Variants in AHCY observed in about 807,000 individuals in gnomAD.
AHCY encodes S-adenosyl-L-homocysteine hydrolase.
In AHCY, 24 loss-of-function variants were observed where a neutral mutation model predicts 45.4. The observed-to-expected ratio is 0.53, with a 90% CI of 0.38 to 0.74. The LOEUF (loss-of-function observed/expected upper bound fraction) is 0.74. Among genes scored for constraint, AHCY ranks in the 30% least tolerant of loss-of-function variants. AHCY has a pLI of 0.00. For missense variants in AHCY, 449 were observed against 594.1 expected, an observed-to-expected ratio of 0.76 and a Z score of 2.54; for synonymous variants, 245 against 235.1, an observed-to-expected ratio of 1.04 and a Z score of -0.39.
intron 1 of AHCY, among the ~76,000 whole-genome samples, chr20:34,298,301 AATC>A (rs1377158416): frequency 1.3e-5 from 2 of 152,200 alleles, no homozygotes; most frequent in Admixed American, 6.5e-5. Context: ...GAATATCATT[AATC>A]ATTAGTTTGT....
chr20:34,269,491 G>A, the AHCY span: 2 of 385,412 alleles, frequency 5.2e-6, no homozygotes, highest in South Asian at 5.0e-5. Context: ...CCGACCTGGG[G>A]GTTAGGAACG....
intron 1 of AHCY, among the ~76,000 whole-genome samples, chr20:34,298,939 T>A (rs913852403): frequency 2.0e-5 from 3 of 152,280 alleles, no homozygotes; most frequent in East Asian, 1.9e-4. Context: ...CCCTGTCCAG[T>A]GGACACGTGA....
the AHCY span, among the ~76,000 whole-genome samples, chr20:34,237,981 C>G: frequency 6.6e-6 from 1 of 152,074 alleles, no homozygotes; most frequent in South Asian, 2.1e-4. Flanking sequence ...CAGCCTCTGG[C>G]CTCCAAAGTT....
At chr20:34,296,167 G>A (rs2036573109) in intron 1 of AHCY, among the ~76,000 whole-genome samples, 1 of 152,100 alleles carries the variant, frequency 6.6e-6, no homozygotes, top group African/African-American at 2.4e-5. Flanking sequence ...GAGGTGGGGT[G>A]AGCTTGTCTG....
chr20:34,279,375 A>T (rs1158440237), downstream of AHCY, among the ~76,000 whole-genome samples: 3 of 150,686 alleles, frequency 2.0e-5, no homozygotes, highest in African/African-American at 7.3e-5. Flanking sequence ...GAGCTGAGAT[A>T]GCACCACTGC....
intron 1 of AHCY, chr20:34,302,441 C>G (rs2036808392): frequency 4.1e-6 from 1 of 242,170 alleles, no homozygotes; most frequent in Non-Finnish European, 6.6e-6. Flanking sequence ...GCCTGCGTTC[C>G]AATCTTGCTC....
chr20:34,269,284 G>A, the AHCY span: 9 of 1,283,198 alleles, frequency 7.0e-6, no homozygotes, highest in South Asian at 1.4e-4. Flanking sequence ...GGTTCCAGGA[G>A]ATGGGACTTC....
rs534226221 is a variant in AHCY, at chr20:34,309,334, G to A, written c.-57+2138C>T. Among the ~76,000 whole-genome samples, 12 of 152,134 alleles carry A rather than the reference G, an allele frequency of 7.9e-5. No individual in the cohort carries two copies. In the East Asian group the frequency reaches 1.5e-3, roughly 20 times the overall value. On this transcript the variant is annotated intron_variant, in intron 1 of 9. Coordinates refer to the AHCY transcript ENST00000538132. ...TCTGTTTTCCATACATACACACTTC[G>A]GAGTGCTATGTTTTCTTAGTGGATT...
the AHCY span, among the ~76,000 whole-genome samples, chr20:34,239,396 T>C: frequency 6.6e-6 from 1 of 152,186 alleles, no homozygotes; most frequent in Admixed American, 6.5e-5. Context: ...TTTGTATTTT[T>C]AGTAGAGACG....
the AHCY span, among the ~76,000 whole-genome samples, chr20:34,258,550 T>C: frequency 3.4e-5 from 5 of 147,038 alleles, no homozygotes; most frequent in East Asian, 8.1e-4. Flanking sequence ...ACAAGCATCA[T>C]ATGGGGACCA....
the AHCY span, among the ~76,000 whole-genome samples, chr20:34,249,121 C>G: frequency 6.6e-6 from 1 of 151,584 alleles, no homozygotes; most frequent in Admixed American, 6.6e-5. Flanking sequence ...AGAGTGAGAC[C>G]CTGTCTCGAA....
intron 8 of AHCY, among the ~76,000 whole-genome samples, chr20:34,289,472 CTTTTT>C (rs762670836): frequency 9.4e-6 from 1 of 106,368 alleles, no homozygotes; most frequent in Non-Finnish European, 1.9e-5. Flanking sequence ...TGTACCTGGC[CTTTTT>C]TTTTTTTTTT....
chr20:34,290,112 A>C lies in AHCY; in HGVS notation c.972+220T>G, dbSNP rs762936701. Reference sequence around the variant, plus strand: ...CAGTAGCTAGAGTGATCTTTCTAAAACTACAGCCTCACCACATACAGCTCA... The same window carrying C: ...CAGTAGCTAGAGTGATCTTTCTAAACCTACAGCCTCACCACATACAGCTCA... On this transcript the variant is annotated intron_variant, in intron 8 of 9. Coordinates refer to ENST00000217426, the MANE Select transcript of AHCY (RefSeq NM_000687.4). This position sits in a 1 kb window ranked among gnomAD's most constrained non-coding sequence, Gnocchi z 4.5. 2.6e-5 allele frequency among the ~76,000 whole-genome samples: 4 copies of C among 152,130 alleles called. No homozygotes were observed. The highest frequency in any genetic ancestry group is 4.4e-5 in the Non-Finnish European group (3 of 68,026).
downstream of AHCY, among the ~76,000 whole-genome samples, chr20:34,275,469 G>A (rs368466143): frequency 4.0e-5 from 6 of 151,896 alleles, no homozygotes; most frequent in Admixed American, 3.9e-4. Flanking sequence ...CTATAACCTG[G>A]TGTCTTCAAT....
At chr20:34,302,725 T>C (rs111401338) in intron 1 of AHCY, 53 of 988,820 alleles carry the variant, frequency 5.4e-5, no homozygotes, top group Middle Eastern at 5.2e-4. Flanking sequence ...GTTGGGTAAC[T>C]GGCCCAAAGT....
chr20:34,308,885 C>G (rs2036920643), intron 1 of AHCY, among the ~76,000 whole-genome samples: 1 of 151,670 alleles, frequency 6.6e-6, no homozygotes, highest in Non-Finnish European at 1.5e-5. Flanking sequence ...AACTTCTGAG[C>G]CCAGGTGATC....
chr20:34,244,976 G>A, the AHCY span, among the ~76,000 whole-genome samples: 2 of 152,154 alleles, frequency 1.3e-5, no homozygotes, highest in African/African-American at 4.8e-5. Flanking sequence ...CTTTAGATCA[G>A]TAAAATAATC....
At chr20:34,291,075 C>T in intron 5 of AHCY, 137 bp from the exon 6 acceptor site, 1 of 780,872 alleles carries the variant, frequency 1.3e-6, no homozygotes, top group Non-Finnish European at 2.1e-6. Context: ...ACCCCTCCAG[C>T]ACCCAATGCC....
chr20:34,254,722 T>C, the AHCY span, among the ~76,000 whole-genome samples: 4 of 152,186 alleles, frequency 2.6e-5, no homozygotes, highest in South Asian at 6.2e-4. Flanking sequence ...ATACTATTTT[T>C]CTAACGTTCA....
Sources: gnomAD v4.1 joint callset for allele counts (sites outside exome capture counted in the v4.1 genomes callset) on GRCh38, gnomAD v4.1.1 for gene constraint, Gnocchi (gnomAD v3.1) non-coding constraint, MANE v1.5 for transcripts, NCBI Gene and HGNC (gene_info 2026-07-23, HGNC 2026-07-21) for gene names.